KCNQ5: variants seen among roughly 807,000 people sequenced by gnomAD.
KCNQ5 encodes potassium voltage-gated channel subfamily KQT member 5.
In KCNQ5, 30 loss-of-function variants were observed where a neutral mutation model predicts 98.2. The ratio of observed to expected loss-of-function variants is 0.31; its 90% CI spans 0.23 to 0.41. The LOEUF (loss-of-function observed/expected upper bound fraction) is 0.41. Ranked by LOEUF, KCNQ5 falls within the 10% of genes least tolerant of loss-of-function variation. KCNQ5 has a pLI of 1.00. For missense variants in KCNQ5, 835 were observed against 1,182.5 expected (o/e 0.71, Z 4.31); for synonymous variants, 458 against 449.4 (o/e 1.02, Z -0.24).
At chr6:72,895,367 C>T (rs1486856084) in intron 1 of KCNQ5, among the ~76,000 whole-genome samples, 1 of 151,048 alleles carries the variant, frequency 6.6e-6, no homozygotes, top group Non-Finnish European at 1.5e-5. Flanking sequence ...CAATATGCTA[C>T]TTCAACTACA....
At chr6:72,722,340 C>G (rs1380875802) in intron 1 of KCNQ5, among the ~76,000 whole-genome samples, 1 of 152,182 alleles carries the variant, frequency 6.6e-6, no homozygotes, top group African/African-American at 2.4e-5. Flanking sequence ...CTTGGCCCTT[C>G]CAGCCAAGAG....
chr6:73,096,550 C>A (rs1048443886), intron 5 of KCNQ5, among the ~76,000 whole-genome samples: 3 of 152,094 alleles, frequency 2.0e-5, no homozygotes, highest in Non-Finnish European at 2.9e-5. Flanking sequence ...GCATGATATT[C>A]AAAGACATTC....
intron 1 of KCNQ5, among the ~76,000 whole-genome samples, chr6:72,749,723 T>A (rs1366785231): frequency 1.8e-5 from 1 of 55,214 alleles, no homozygotes; most frequent in Non-Finnish European, 4.8e-5. Flanking sequence ...ACTGACAACA[T>A]TTAAAAAAAT....
At chr6:72,841,872 C>A (rs1197009017) in intron 1 of KCNQ5, among the ~76,000 whole-genome samples, 1 of 152,070 alleles carries the variant, frequency 6.6e-6, no homozygotes, top group African/African-American at 2.4e-5. Context: ...ACATTCAAAT[C>A]AACTATAGCA....
At chr6:72,907,367 C>T (rs1009544454) in intron 1 of KCNQ5, among the ~76,000 whole-genome samples, 4 of 152,060 alleles carry the variant, frequency 2.6e-5, no homozygotes, top group African/African-American at 9.7e-5. Flanking sequence ...TTTTCTATAA[C>T]TAATCATTTA....
At chr6:73,130,276 G>A (rs1776175033) in intron 9 of KCNQ5, among the ~76,000 whole-genome samples, 1 of 152,212 alleles carries the variant, frequency 6.6e-6, no homozygotes, top group Non-Finnish European at 1.5e-5. Flanking sequence ...GGGTTATGAT[G>A]ATGCCACACA....
At chr6:72,649,695 A>G (rs987178122) in intron 1 of KCNQ5, among the ~76,000 whole-genome samples, 2 of 152,176 alleles carry the variant, frequency 1.3e-5, no homozygotes, top group Non-Finnish European at 2.9e-5. Context: ...AGCTTGTACA[A>G]TCATTTAGGA....
rs775466748 is a variant in KCNQ5 at position 73,004,025 on chromosome 6, C to T, written c.489+27C>T. 19 of 1,331,892 alleles carry T rather than the reference C, an allele frequency of 1.4e-5. No individual in the cohort carries two copies. In the African/African-American group the frequency reaches 1.4e-4, roughly 10 times the overall value. 82.5% of individuals were successfully genotyped at this position (1,331,892 alleles called of 1,614,324 possible). A position where few individuals can be genotyped will look rare whatever the true frequency, so the allele number is the denominator to read the frequency against. ...TAAGTGAAACATGAACAAGAACGTA[C>T]ATGAATGTTGTATAAGAACTGCCTA... On this transcript the variant is annotated intron_variant, in intron 2 of 13. Transcript: ENST00000370398.
intron 1 of KCNQ5, among the ~76,000 whole-genome samples, chr6:72,823,657 T>C (rs56217468): frequency 0.011 from 1,613 of 152,274 alleles, 29 homozygotes; most frequent in South Asian, 0.07. Flanking sequence ...CCCAGGCCTT[T>C]CTGAGTCTTT....
At chr6:73,123,814 C>T (rs1313602969) in intron 8 of KCNQ5, among the ~76,000 whole-genome samples, 2 of 152,062 alleles carry the variant, frequency 1.3e-5, no homozygotes, top group Non-Finnish European at 2.9e-5. Flanking sequence ...TAACCTAAAG[C>T]CTTTGATTTA....
chr6:73,101,919 C>T (rs1353387777), intron 5 of KCNQ5, among the ~76,000 whole-genome samples: 1 of 151,950 alleles, frequency 6.6e-6, no homozygotes, highest in Non-Finnish European at 1.5e-5. Flanking sequence ...TATATGGAAC[C>T]AGAAAATACC....
intron 1 of KCNQ5, among the ~76,000 whole-genome samples, chr6:72,943,055 A>G (rs1235079339): frequency 6.6e-6 from 1 of 152,208 alleles, no homozygotes; most frequent in Non-Finnish European, 1.5e-5. Flanking sequence ...AGGCAATTCA[A>G]CATTAAAACA....
In KCNQ5 at chr6:72,927,051, AC is replaced by A. The variant is rs1765459322; in HGVS notation, c.399-76856del. ...TGATAGATGTTTAGACAGAGTCAAC[AC>A]TTAGAGGCTGCATCTAAAAAATAAA... On this transcript the variant is annotated intron_variant, in intron 1 of 13. Coordinates refer to ENST00000370398, the MANE Select transcript of KCNQ5 (RefSeq NM_019842.4). Among the ~76,000 whole-genome samples the A allele has an allele frequency of 2.0e-5, 3 of 152,308 alleles. No homozygotes were observed. In the South Asian group the frequency reaches 6.2e-4, roughly 32 times the overall value.
chr6:72,890,348 A>T (rs1399453078), intron 1 of KCNQ5, among the ~76,000 whole-genome samples: 2 of 150,746 alleles, frequency 1.3e-5, no homozygotes, highest in African/African-American at 4.8e-5. Context: ...ACGATGCCAT[A>T]TTGTTAACTA....
intron 1 of KCNQ5, among the ~76,000 whole-genome samples, chr6:72,884,748 C>T (rs1778786172): frequency 6.6e-6 from 1 of 152,024 alleles, no homozygotes. Flanking sequence ...TCCTGAGTAG[C>T]TGGGACCACA....
Position 73,077,809 on chromosome 6 carries a change from G to A in KCNQ5, c.840G>A (p.Ser280=), listed in dbSNP as rs201137532. The A allele has an allele frequency of 7.6e-5, 123 of 1,610,664 alleles. 1 individual carries two copies. The highest frequency in any genetic ancestry group is 3.6e-4 in the East Asian group (16 of 44,770). ...TAGGATTTTTGGTTCTTATTTTTTC[G>A]TCTTTCCTTGTCTATCTGGTGGAAA... The part of the protein sequence containing the change: ...WYIGFLVLIF[S]SFLVYLVEKD... Residue 280 remains serine, a synonymous_variant, in exon 5 of 14, where the codon TCG becomes TCA. Coordinates refer to ENST00000370398, the MANE Select transcript of KCNQ5 (RefSeq NM_019842.4).
chr6:72,703,356 C>A (rs1768921135), intron 1 of KCNQ5, among the ~76,000 whole-genome samples: 1 of 152,212 alleles, frequency 6.6e-6, no homozygotes, highest in Non-Finnish European at 1.5e-5. Context: ...TGTTGAATGA[C>A]CTTTGTCAAT....
chr6:72,794,654 A>G (rs879360720), intron 1 of KCNQ5, among the ~76,000 whole-genome samples: 1 of 152,172 alleles, frequency 6.6e-6, no homozygotes, highest in Non-Finnish European at 1.5e-5. Context: ...CTTTCTTTTA[A>G]AAATGCCCAG....
intron 2 of KCNQ5, among the ~76,000 whole-genome samples, chr6:73,035,279 A>T (rs1771362394): frequency 6.6e-6 from 1 of 152,204 alleles, no homozygotes; most frequent in Admixed American, 6.5e-5. Flanking sequence ...TAAAAATAAT[A>T]CACATTTATT....
Sources: allele counts gnomAD v4.1 joint callset (sites outside exome capture counted in the v4.1 genomes callset), GRCh38; gene constraint gnomAD v4.1.1; transcripts MANE v1.5; gene names NCBI Gene and HGNC (gene_info 2026-07-23, HGNC 2026-07-21).